CDH1: variants seen among roughly 807,000 people sequenced by gnomAD.
CDH1 encodes the protein cadherin 1.
Under a neutral mutation model 84.5 loss-of-function variants are expected in CDH1, and 35 were observed. That is an observed-to-expected ratio of 0.41 (90% CI 0.32 to 0.55). The LOEUF is 0.55. Among genes scored for constraint, CDH1 ranks in the 20% least tolerant of loss-of-function variants. The pLI is 0.19. For synonymous variants in CDH1, 417 were observed against 439.0 expected (o/e 0.95, Z 0.63); for missense variants, 994 against 1,126.6 (o/e 0.88, Z 1.68).
At chr16:68,771,682 G>A (rs368616534) in intron 2 of CDH1, among the ~76,000 whole-genome samples, 4 of 151,464 alleles carry the variant, frequency 2.6e-5, no homozygotes, top group African/African-American at 9.7e-5. Context: ...AACCCAGGAG[G>A]TGGAGGTTGC....
intron 2 of CDH1, among the ~76,000 whole-genome samples, chr16:68,762,815 A>G (rs987515402): frequency 8.8e-5 from 13 of 148,416 alleles, no homozygotes; most frequent in Non-Finnish European, 3.0e-5. Flanking sequence ...AGGCTGAGGC[A>G]GGAGAATCGC....
chr16:68,819,965 G>T (rs1961096007), intron 11 of CDH1, among the ~76,000 whole-genome samples: 1 of 152,128 alleles, frequency 6.6e-6, no homozygotes, highest in African/African-American at 2.4e-5. Context: ...TAGAGAGGCT[G>T]AGGTGGGAGG....
intron 2 of CDH1, among the ~76,000 whole-genome samples, chr16:68,799,639 C>T (rs1960445652): frequency 6.6e-6 from 1 of 152,122 alleles, no homozygotes; most frequent in South Asian, 2.1e-4. Context: ...CATACTGTCA[C>T]TTCTCAAAGG....
In CDH1 at chr16:68,779,763, G is replaced by T. The variant is rs1258226016; in HGVS notation, c.164-21907G>T. ...TCCCAGCTACTCGGGAGGCTGAGAA[G>T]AATTGCGTGAACCTGGGAGGTGGAG... On this transcript the variant is annotated intron_variant, in intron 2 of 15. Coordinates refer to ENST00000261769, the MANE Select transcript of CDH1 (RefSeq NM_004360.5). Among the ~76,000 whole-genome samples the T allele has an allele frequency of 2.0e-5, 3 of 152,320 alleles. No individual in the cohort carries two copies. The East Asian group carries it at 5.8e-4, about 29-fold the overall frequency.
At chr16:68,818,537 T>TC (rs1961045872) in intron 10 of CDH1, among the ~76,000 whole-genome samples, 1 of 148,906 alleles carries the variant, frequency 6.7e-6, no homozygotes, top group Non-Finnish European at 1.5e-5. Context: ...GGTTTTCTTT[T>TC]TTTTTTTTTT....
chr16:68,764,581 A>T (rs765517876), intron 2 of CDH1, among the ~76,000 whole-genome samples: 1 of 152,240 alleles, frequency 6.6e-6, no homozygotes, highest in African/African-American at 2.4e-5. Context: ...ATCTCAAAAT[A>T]AAATAAAATA....
chr16:68,810,302 G>C lies in CDH1; in HGVS notation c.793G>C (p.Glu265Gln), dbSNP rs876659503. The change falls in exon 6 of 16, where the codon GAG becomes CAG. Residue 265 changes from glutamate (E) to glutamine (Q), a missense_variant. Physicochemically the swap from Glu to Gln is conservative, Grantham distance 29. This residue lies in a region of CDH1 where 769 missense variants were observed against 881.8 expected (regional missense o/e 0.87). Transcript: ENST00000261769. ...TGACAACAAGCCCGAATTCACCCAG[G>C]AGGTCTTTAAGGGGTCTGTCATGGA... ...QNDNKPEFTQ[E>Q]VFKGSVMEGA... 2 of 1,614,120 alleles carry C rather than the reference G, an allele frequency of 1.2e-6. No individual in the cohort carries two copies. The highest frequency in any genetic ancestry group is 1.1e-5 in the South Asian group (1 of 91,082).
chr16:68,772,871 G>A (rs918628312), intron 2 of CDH1, among the ~76,000 whole-genome samples: 1 of 152,024 alleles, frequency 6.6e-6, no homozygotes, highest in Non-Finnish European at 1.5e-5. Context: ...ATGCTGCAGT[G>A]AGCCATGATT....
intron 12 of CDH1, chr16:68,822,899 A>G (rs912869442): frequency 3.2e-4 from 71 of 222,170 alleles, no homozygotes; most frequent in African/African-American, 1.5e-3. Flanking sequence ...CCTGGAGAAG[A>G]ACCTGAACTG....
At chr16:68,818,894 T>G (rs1285774303) in intron 10 of CDH1, among the ~76,000 whole-genome samples, 1 of 151,238 alleles carries the variant, frequency 6.6e-6, no homozygotes, top group Non-Finnish European at 1.5e-5. Context: ...TCACTTTTGT[T>G]GCCCAGGCTG....
At position 68,835,060 on chromosome 16, in the gene CDH1, T is replaced by C. The variant is rs952436955; in HGVS notation, c.*1561T>C. 3.5e-5 allele frequency: 8 copies of C among 231,810 alleles called. No individual in the cohort carries two copies. Among genetic ancestry groups the C allele is most frequent in the Non-Finnish European group, 6.8e-5 (8 of 117,188 alleles). 14.4% of individuals were successfully genotyped at this position (231,810 alleles called of 1,614,324 possible). On this transcript the variant is annotated 3_prime_UTR_variant, in exon 16 of 16. Coordinates refer to ENST00000261769, the MANE Select transcript of CDH1 (RefSeq NM_004360.5). ...TGCTTTTGATGATGTCTACAGAAAA[T>C]GCTGGCTGAGCTGAACACATTTGCC...
intron 1 of CDH1, among the ~76,000 whole-genome samples, chr16:68,737,927 A>C (rs1457419203): frequency 2.0e-5 from 3 of 152,132 alleles, no homozygotes; most frequent in Non-Finnish European, 4.4e-5. Context: ...CGGGGATAAG[A>C]AAGTGAGGTC....
intron 13 of CDH1, among the ~76,000 whole-genome samples, chr16:68,826,780 G>A (rs1961333165): frequency 1.3e-5 from 2 of 152,170 alleles, no homozygotes; most frequent in South Asian, 4.1e-4. Context: ...CATGGATGGG[G>A]ACTGTGTAGC....
intron 2 of CDH1, among the ~76,000 whole-genome samples, chr16:68,759,032 A>G (rs1205029319): frequency 6.6e-6 from 1 of 152,058 alleles, no homozygotes. Flanking sequence ...CTGACCTCAG[A>G]TGATCTGCCC....
At chr16:68,764,512 G>T (rs1959314004) in intron 2 of CDH1, among the ~76,000 whole-genome samples, 1 of 152,222 alleles carries the variant, frequency 6.6e-6, no homozygotes, top group Non-Finnish European at 1.5e-5. Flanking sequence ...GGAGGCAGAG[G>T]CTGCAGCGAA....
intron 2 of CDH1, among the ~76,000 whole-genome samples, chr16:68,790,865 C>G (rs2152123637): frequency 6.6e-6 from 1 of 152,246 alleles, no homozygotes; most frequent in Middle Eastern, 3.4e-3. Context: ...TGAGATGAAA[C>G]TGAGTGAGGC....
chr16:68,831,516 C>A (rs966803326), intron 15 of CDH1, among the ~76,000 whole-genome samples: 1 of 148,922 alleles, frequency 6.7e-6, no homozygotes, highest in Non-Finnish European at 1.5e-5. Context: ...TTTAACCATG[C>A]CTTTTATTTA....
At chr16:68,794,294 G>C (rs1405731716) in intron 2 of CDH1, among the ~76,000 whole-genome samples, 1 of 152,024 alleles carries the variant, frequency 6.6e-6, no homozygotes. Flanking sequence ...TCTTGCCTCT[G>C]CCTCCCGAAG....
At chr16:68,744,010 A>G (rs753416168) in intron 2 of CDH1, among the ~76,000 whole-genome samples, 1 of 152,256 alleles carries the variant, frequency 6.6e-6, no homozygotes, top group Non-Finnish European at 1.5e-5. Flanking sequence ...ATACATGCCA[A>G]TGGGCAGGAA....
Sources: gnomAD v4.1 joint callset for allele counts (sites outside exome capture counted in the v4.1 genomes callset) on GRCh38, gnomAD v4.1.1 for gene constraint, gnomAD v4.1.1 regional missense constraint, MANE v1.5 for transcripts, NCBI Gene and HGNC (gene_info 2026-07-23, HGNC 2026-07-21) for gene names.